The following EFNA2 variants were observed in gnomAD, a reference collection of about 807,000 sequenced individuals.
EFNA2 encodes ephrin-A2.
Under a neutral mutation model 19.7 loss-of-function variants are expected in EFNA2, and 18 were observed. That is an observed-to-expected ratio of 0.91 (90% CI 0.63 to 1.35). EFNA2 has a LOEUF of 1.35. Ranked by LOEUF, EFNA2 falls within the 40% of genes most tolerant of loss-of-function variation. The pLI is 0.00. For missense variants in EFNA2, 303 were observed against 296.0 expected (o/e 1.02, Z -0.17); for synonymous variants, 187 against 137.8 (o/e 1.36, Z -2.50).
Position 1,287,167 on chromosome 19 carries a change from A to C in EFNA2, c.140+859A>C, listed in dbSNP as rs1464853041. ...AAGCCCCCGTTGGTCAGAGCAAAAA[A>C]AGTTTGCCGGGGCCTGGCCATGGCC... On this transcript the variant is annotated intron_variant, in intron 1 of 3. Transcript: ENST00000215368. This position sits in a 1 kb window ranked among gnomAD's most constrained non-coding sequence, Gnocchi z 6.2. Among the ~76,000 whole-genome samples the C allele has an allele frequency of 1.3e-5, 2 of 152,188 alleles. No homozygotes were observed. Among genetic ancestry groups the C allele is most frequent in the African/African-American group, 2.4e-5 (1 of 41,454 alleles).
intron 3 of EFNA2, among the ~76,000 whole-genome samples, chr19:1,298,817 C>T (rs945502171): frequency 2.6e-5 from 4 of 152,226 alleles, no homozygotes; most frequent in Non-Finnish European, 4.4e-5. Flanking sequence ...CAGTGGCTCA[C>T]GCCTATAATC....
intron 1 of EFNA2, among the ~76,000 whole-genome samples, chr19:1,290,843 C>A (rs999426398): frequency 6.6e-6 from 1 of 152,204 alleles, no homozygotes; most frequent in Admixed American, 6.5e-5. Context: ...GCAGACGAGC[C>A]GGCGGGGTTT....
chr19:1,284,235 C>G (rs2081453244), upstream of EFNA2, among the ~76,000 whole-genome samples: 1 of 152,224 alleles, frequency 6.6e-6, no homozygotes, highest in Non-Finnish European at 1.5e-5. The surrounding 1 kb of genome is among the most constrained non-coding windows in gnomAD (Gnocchi z 5.3). Flanking sequence ...TGGCTAGAAC[C>G]CAAGGCCCTC....
chr19:1,288,077 G>C (rs1256753430), intron 1 of EFNA2, among the ~76,000 whole-genome samples: 2 of 152,254 alleles, frequency 1.3e-5, no homozygotes, highest in African/African-American at 4.8e-5. Context: ...CGGCCTTGCT[G>C]GTCCGCAGAG....
chr19:1,291,395 G>C (rs879399169), intron 1 of EFNA2, among the ~76,000 whole-genome samples: 2 of 152,238 alleles, frequency 1.3e-5, no homozygotes, highest in Non-Finnish European at 2.9e-5. Context: ...CCCAGGTCCT[G>C]AGCAGGAGGA....
rs2081508389 is a variant in EFNA2, at chr19:1,295,249, G to A, written c.141-296G>A. On this transcript the variant is annotated intron_variant, in intron 1 of 3. Transcript: ENST00000215368. The surrounding 1 kb of genome is among the most constrained non-coding windows in gnomAD (Gnocchi z 5.8). ...CCCCATTCCCCGGCCTGACTTCCCC[G>A]TGCACCTGTCCCCTGACCCGTCCCT... Among the ~76,000 whole-genome samples, 1 of 148,694 alleles carries A rather than the reference G, an allele frequency of 6.7e-6. No homozygotes were observed. Among genetic ancestry groups the A allele is most frequent in the South Asian group, 2.1e-4 (1 of 4,698 alleles).
chr19:1,292,544 C>A (rs530728466), intron 1 of EFNA2, among the ~76,000 whole-genome samples: 1 of 152,272 alleles, frequency 6.6e-6, no homozygotes, highest in East Asian at 1.9e-4. Flanking sequence ...GGGCGGGGCA[C>A]AGGGAACAGC....
Position 1,296,812 on chromosome 19 carries a change from T to G in EFNA2, c.454+954T>G, listed in dbSNP as rs1299794097. Among the ~76,000 whole-genome samples the G allele has an allele frequency of 5.9e-5, 9 of 152,296 alleles. No homozygotes were observed. Among genetic ancestry groups the G allele is most frequent in the Non-Finnish European group, 1.0e-4 (7 of 68,012 alleles). On this transcript the variant is annotated intron_variant, in intron 2 of 3. Transcript: ENST00000215368. The surrounding 1 kb of genome is among the most constrained non-coding windows in gnomAD (Gnocchi z 4.4). ...GACCGTGGGGTCTTCATCTGAAGGT[T>G]GGGTGGCGGCAGCCTTGGGGATAGT... is the stretch of plus-strand genomic sequence containing the variant.
At chr19:1,299,537 G>A (rs1165337616) in intron 3 of EFNA2, among the ~76,000 whole-genome samples, 3 of 151,546 alleles carry the variant, frequency 2.0e-5, no homozygotes, top group African/African-American at 2.4e-5. Flanking sequence ...GCCTGGCGAC[G>A]GTGAGACTCC....
intron 1 of EFNA2, among the ~76,000 whole-genome samples, chr19:1,289,424 T>G (rs1218293642): frequency 2.0e-5 from 3 of 152,182 alleles, no homozygotes; most frequent in Non-Finnish European, 4.4e-5. Context: ...GCCTGCAATG[T>G]GGGGGCAGTG....
At chr19:1,292,613 GA>G (rs2081496620) in intron 1 of EFNA2, among the ~76,000 whole-genome samples, 1 of 152,248 alleles carries the variant, frequency 6.6e-6, no homozygotes, top group South Asian at 2.1e-4. Context: ...GGACAGCCGG[GA>G]GGCTGGTGTG....
chr19:1,300,141 G>A lies in EFNA2; in HGVS notation c.*196G>A. ...CAGCCCTCAGGGAGGGGAAACGGCCGAGAGCCCCCCCCCGGAGGCCCGAGG... is the reference window on the plus strand; with the variant it reads ...CAGCCCTCAGGGAGGGGAAACGGCCAAGAGCCCCCCCCCGGAGGCCCGAGG... On this transcript the variant is annotated 3_prime_UTR_variant, in exon 4 of 4. Coordinates refer to ENST00000215368, the MANE Select transcript of EFNA2 (RefSeq NM_001405.4). 6 of 719,054 alleles carry A rather than the reference G, an allele frequency of 8.3e-6. No homozygotes were observed. The highest frequency in any genetic ancestry group is 1.2e-5 in the Non-Finnish European group (6 of 483,820). 44.5% of individuals were successfully genotyped at this position (719,054 alleles called of 1,614,324 possible).
chr19:1,293,615 C>T (rs1401716229), intron 1 of EFNA2, among the ~76,000 whole-genome samples: 2 of 151,108 alleles, frequency 1.3e-5, no homozygotes, highest in African/African-American at 2.5e-5. Context: ...GCCTGGTGCC[C>T]GGGGGAGATT....
Position 1,297,838 on chromosome 19 carries a change from G to A in EFNA2, c.455-713G>A, listed in dbSNP as rs1268329964. ...TGTAATCCCAGCACTTTGGGAGGCC[G>A]AGGCGGGTGGATCACCTGAGGTCAG... On this transcript the variant is annotated intron_variant, in intron 2 of 3. Coordinates refer to ENST00000215368, the MANE Select transcript of EFNA2 (RefSeq NM_001405.4). This position sits in a 1 kb window ranked among gnomAD's most constrained non-coding sequence, Gnocchi z 5.0. Among the ~76,000 whole-genome samples, 4 of 152,088 alleles carry A rather than the reference G, an allele frequency of 2.6e-5. No homozygotes were observed. Among genetic ancestry groups the A allele is most frequent in the South Asian group, 2.1e-4 (1 of 4,826 alleles).
At chr19:1,298,650 C>T (rs769542672) in intron 3 of EFNA2, 34 bp downstream of exon 3, 5 of 1,610,348 alleles carry the variant, frequency 3.1e-6, no homozygotes, top group Non-Finnish European at 4.2e-6. Context: ...GGATCCAGGC[C>T]CCCACCCCTG....
chr19:1,299,850 C>G lies in EFNA2; in HGVS notation c.547C>G (p.Pro183Ala). ...TNETLYEAPEPIFTSNNSCSS... is the reference protein window; with the variant it reads ...TNETLYEAPEAIFTSNNSCSS... ...CGAGACCCTGTACGAGGCTCCTGAG[C>G]CCATCTTCACCAGCAATAACTCGTG... is the stretch of plus-strand genomic sequence containing the variant. The change falls in exon 4 of 4, where the codon CCC becomes GCC. Residue 183 changes from proline (P) to alanine (A), a missense_variant. Transcript: ENST00000215368. 6.2e-7 allele frequency: 1 copy of G among 1,604,074 alleles called. No homozygotes were observed.
rs550543953 is a variant in EFNA2 at position 1,294,026 on chromosome 19, C to T, written c.141-1519C>T. Among the ~76,000 whole-genome samples the T allele has an allele frequency of 5.1e-4, 78 of 152,202 alleles. No homozygotes were observed. Among genetic ancestry groups the T allele is most frequent in the Admixed American group, 2.0e-4 (3 of 15,284 alleles). On this transcript the variant is annotated intron_variant, in intron 1 of 3. Coordinates refer to ENST00000215368, the MANE Select transcript of EFNA2 (RefSeq NM_001405.4). This position sits in a 1 kb window ranked among gnomAD's most constrained non-coding sequence, Gnocchi z 5.8. ...GGCTCACCCCTGCAGGCCGGGGTGGCGGTGGCTGTGCCGGGCTAGAGGCAG... is the reference window on the plus strand; with the variant it reads ...GGCTCACCCCTGCAGGCCGGGGTGGTGGTGGCTGTGCCGGGCTAGAGGCAG...
At chr19:1,284,793 T>C (rs1320359071), upstream of EFNA2, among the ~76,000 whole-genome samples, 1 of 152,248 alleles carries the variant, frequency 6.6e-6, no homozygotes, top group Non-Finnish European at 1.5e-5. This position sits in a 1 kb window ranked among gnomAD's most constrained non-coding sequence, Gnocchi z 5.3. Context: ...GTGCTTGCCC[T>C]GCAGTTCCCT....
rs771402440 is a variant in EFNA2 at position 1,295,806 on chromosome 19, G to T, written c.402G>T (p.Thr134=). The T allele has an allele frequency of 2.5e-6, 4 of 1,608,006 alleles. No individual in the cohort carries two copies. Among genetic ancestry groups the T allele is most frequent in the Middle Eastern group, 1.7e-4 (1 of 5,994 alleles). The change falls in exon 2 of 4, where the codon ACG becomes ACT. Residue 134 remains threonine (T), a synonymous_variant. Transcript: ENST00000215368. The surrounding 1 kb of genome is among the most constrained non-coding windows in gnomAD (Gnocchi z 5.8). ...LKFSEKFQLF[T]PFSLGFEFRP... ...TCTCGGAGAAGTTCCAGCTCTTCAC[G>T]CCCTTCTCCCTGGGCTTCGAGTTCC...
Sources: gnomAD v4.1 joint callset for allele counts (sites outside exome capture counted in the v4.1 genomes callset) on GRCh38, gnomAD v4.1.1 for gene constraint, Gnocchi (gnomAD v3.1) non-coding constraint, MANE v1.5 for transcripts, NCBI Gene and HGNC (gene_info 2026-07-23, HGNC 2026-07-21) for gene names.